The following PSMD3 variants were observed in gnomAD, a reference collection of about 807,000 sequenced individuals.
PSMD3 encodes proteasome 26S subunit, non-ATPase 3.
A neutral mutation model predicts 62.8 loss-of-function variants in PSMD3; 5 were observed. The observed-to-expected ratio is 0.08, with a 90% CI of 0.04 to 0.17. The LOEUF (loss-of-function observed/expected upper bound fraction) is 0.17. Among genes scored for constraint, PSMD3 ranks in the 10% least tolerant of loss-of-function variants. The pLI is 1.00. For synonymous variants in PSMD3, 265 were observed against 283.9 expected (o/e 0.93, Z 0.67); for missense variants, 524 against 713.6 (o/e 0.73, Z 3.03).
At chr17:39,989,605 T>G in intron 4 of PSMD3, 134 bp from the exon 5 acceptor site, 1 of 852,492 alleles carries the variant, frequency 1.2e-6, no homozygotes, top group Non-Finnish European at 1.8e-6. Context: ...CACTCGATAG[T>G]TAACAGTATT....
chr17:39,995,751 A>G lies in PSMD3; in HGVS notation c.1320+224A>G. Reference sequence around the variant, plus strand: ...GGTGTGTGCACATGTTGAGTTTATGATAGTGCCTGTGAGTGTGAGAATATA... The same window carrying G: ...GGTGTGTGCACATGTTGAGTTTATGGTAGTGCCTGTGAGTGTGAGAATATA... On this transcript the variant is annotated intron_variant, in intron 9 of 11. Transcript: ENST00000264639. The surrounding 1 kb of genome is among the most constrained non-coding windows in gnomAD (Gnocchi z 4.1). The G allele has an allele frequency of 1.7e-6, 1 of 574,900 alleles. No homozygotes were observed. Among genetic ancestry groups the G allele is most frequent in the Non-Finnish European group, 3.1e-6 (1 of 319,932 alleles). 35.6% of individuals were successfully genotyped at this position (574,900 alleles called of 1,614,324 possible). A position where few individuals can be genotyped will look rare whatever the true frequency, so the allele number is the denominator to read the frequency against.
In PSMD3 at chr17:39,981,003, C is replaced by G; in HGVS notation, c.33C>G (p.Gly11=). MKQEGSARRR[G]ADKAKPPPGG... ...AGGAGGGCTCGGCGCGGCGCCGCGG[C>G]GCGGACAAGGCGAAACCGCCGCCCG... The change falls in exon 1 of 12, where the codon GGC becomes GGG. Residue 11 remains glycine (G), a synonymous_variant. Coordinates refer to ENST00000264639, the MANE Select transcript of PSMD3 (RefSeq NM_002809.4). 9 of 1,547,988 alleles carry G rather than the reference C, an allele frequency of 5.8e-6. No individual in the cohort carries two copies. The highest frequency in any genetic ancestry group is 7.8e-6 in the Non-Finnish European group (9 of 1,146,894).
rs1418966190 is a variant in PSMD3, at chr17:39,980,996, G to T, written c.26G>T (p.Arg9Leu). 2 of 1,547,144 alleles carry T rather than the reference G, an allele frequency of 1.3e-6. No homozygotes were observed. Among genetic ancestry groups the T allele is most frequent in the Non-Finnish European group, 1.7e-6 (2 of 1,146,962 alleles). Residue 9 changes from arginine to leucine, a missense_variant, in exon 1 of 12, where the codon CGC becomes CTC. Physicochemically the swap from Arg to Leu is moderately radical, Grantham distance 102 (BLOSUM62 -2). Coordinates refer to ENST00000264639, the MANE Select transcript of PSMD3 (RefSeq NM_002809.4). ...ATGAAGCAGGAGGGCTCGGCGCGGCGCCGCGGCGCGGACAAGGCGAAACCG... is the reference window on the plus strand; with the variant it reads ...ATGAAGCAGGAGGGCTCGGCGCGGCTCCGCGGCGCGGACAAGGCGAAACCG... Reference protein sequence around the residue: MKQEGSARRRGADKAKPPP... With the variant: MKQEGSARLRGADKAKPPP...
chr17:39,981,095 C>G lies in PSMD3; in HGVS notation c.125C>G (p.Ala42Gly). 1 of 1,550,606 alleles carries G rather than the reference C, an allele frequency of 6.4e-7. No homozygotes were observed. The highest frequency in any genetic ancestry group is 8.7e-7 in the Non-Finnish European group (1 of 1,146,650). The part of the protein sequence containing the change: ...PQDVEMKEEA[A>G]TGGGSTGEAD... ...GATGTGGAGATGAAAGAGGAGGCAG[C>G]GACGGGTGGCGGGTCGACGGGGGAG... Residue 42 changes from alanine to glycine, a missense_variant, in exon 1 of 12, where the codon GCG (alanine) becomes GGG (glycine). Physicochemically the swap from Ala to Gly is moderately conservative, Grantham distance 60. Around this residue, in one of 4 missense-constraint regions of PSMD3, gnomAD observed 396 missense variants for 475.8 expected, o/e 0.83. Transcript: ENST00000264639.
At chr17:39,993,087 C>CT (rs1490314236) in intron 6 of PSMD3, 1 of 152,224 alleles carries the variant, frequency 6.6e-6, no homozygotes, top group African/African-American at 2.4e-5. Flanking sequence ...TCTGGAGGCT[C>CT]TAAGTCCAAC....
In PSMD3 at chr17:39,989,842, T is replaced by C. The variant is rs746850055; in HGVS notation, c.790T>C (p.Tyr264His). The C allele has an allele frequency of 6.2e-7, 1 of 1,614,202 alleles. No individual in the cohort carries two copies. Among genetic ancestry groups the C allele is most frequent in the Admixed American group, 1.7e-5 (1 of 60,026 alleles). The change falls in exon 5 of 12, where the codon TAC (tyrosine) becomes CAC (histidine). Residue 264 changes from tyrosine to histidine, a missense_variant. Physicochemically the swap from Tyr to His is moderately conservative, Grantham distance 83. Around this residue, in one of 4 missense-constraint regions of PSMD3, gnomAD observed 396 missense variants for 475.8 expected, o/e 0.83. Coordinates refer to ENST00000264639, the MANE Select transcript of PSMD3 (RefSeq NM_002809.4). ...LLRNYLHYSL[Y>H]DQAEKLVSKS... Reference sequence around the variant, plus strand: ...GCGGAATTACCTACACTACAGCTTGTACGACCAGGCTGAGAAGCTGGTGTC... The same window carrying C: ...GCGGAATTACCTACACTACAGCTTGCACGACCAGGCTGAGAAGCTGGTGTC...
At chr17:39,992,131 A>C (rs1208292791) in intron 6 of PSMD3, among the ~76,000 whole-genome samples, 2 of 152,194 alleles carry the variant, frequency 1.3e-5, no homozygotes, top group Non-Finnish European at 2.9e-5. Context: ...AAAATGTTAG[A>C]TTGCTTACAA....
chr17:39,985,013 C>T (rs1370200959), intron 2 of PSMD3, among the ~76,000 whole-genome samples: 8 of 151,840 alleles, frequency 5.3e-5, no homozygotes, highest in African/African-American at 7.3e-5. Context: ...ACAATCTGCC[C>T]GCCCAGGAGT....
Position 39,996,781 on chromosome 17 carries a change from G to A in PSMD3, c.1476+443G>A, listed in dbSNP as rs1445115119. 4.3e-5 allele frequency: 20 copies of A among 465,374 alleles called. No homozygotes were observed. The highest frequency in any genetic ancestry group is 7.3e-5 in the Non-Finnish European group (17 of 233,586). 28.8% of individuals were successfully genotyped at this position (465,374 alleles called of 1,614,324 possible). A position where few individuals can be genotyped will look rare whatever the true frequency, so the allele number is the denominator to read the frequency against. On this transcript the variant is annotated intron_variant, in intron 10 of 11. Coordinates refer to ENST00000264639, the MANE Select transcript of PSMD3 (RefSeq NM_002809.4). The surrounding 1 kb of genome is among the most constrained non-coding windows in gnomAD (Gnocchi z 5.1). ...GTAAAAAAGATGGCGCTGGTATCTAGCTCCACAAAAGGGTGAGCCCTTATC... is the reference window on the plus strand; with the variant it reads ...GTAAAAAAGATGGCGCTGGTATCTAACTCCACAAAAGGGTGAGCCCTTATC...
rs771277466 is a variant in PSMD3, at chr17:39,997,457, G to C, written c.1528-47G>C. On this transcript the variant is annotated intron_variant, in intron 11 of 11. Transcript: ENST00000264639. ...AGGGGAGTCGGGCGAGTGTCTGGAA[G>C]GGCTGAGCTGCTCTGAAGCTTTGGC... 3.7e-5 allele frequency: 55 copies of C among 1,484,484 alleles called. No homozygotes were observed. In the Middle Eastern group the frequency reaches 6.9e-4, roughly 19 times the overall value. The allele number at this position is 1,484,484 out of a possible 1,614,324, so 92.0% of individuals were successfully genotyped here.
intron 4 of PSMD3, among the ~76,000 whole-genome samples, chr17:39,989,379 G>A (rs1363253441): frequency 6.6e-6 from 1 of 152,156 alleles, no homozygotes; most frequent in Non-Finnish European, 1.5e-5. Context: ...TTCTCAGTGA[G>A]TCCTGCCTTG....
chr17:39,989,453 T>A (rs1980602351), intron 4 of PSMD3, among the ~76,000 whole-genome samples: 1 of 152,220 alleles, frequency 6.6e-6, no homozygotes, highest in South Asian at 2.1e-4. Flanking sequence ...GCAGTTCCCC[T>A]GGCCTCACAG....
intron 6 of PSMD3, chr17:39,994,590 G>A (rs575587193): frequency 1.4e-4 from 39 of 281,866 alleles, no homozygotes; most frequent in Admixed American, 1.8e-4. Flanking sequence ...CACACGTTCC[G>A]TTCTCCAGGC....
intron 11 of PSMD3, 57 bp downstream of exon 11, chr17:39,997,437 A>G: frequency 6.3e-7 from 1 of 1,577,848 alleles, no homozygotes; most frequent in South Asian, 1.1e-5. Context: ...ACAGAAGGGG[A>G]GTCGGGCGAG....
rs1273342751 is a variant in PSMD3 at position 39,996,624 on chromosome 17, C to G, written c.1476+286C>G. 1.7e-6 allele frequency: 1 copy of G among 594,064 alleles called. No individual in the cohort carries two copies. The highest frequency in any genetic ancestry group is 1.8e-5 in the African/African-American group (1 of 54,824). 36.8% of individuals were successfully genotyped at this position (594,064 alleles called of 1,614,324 possible). ...TCTACATTTGGTTCCAAATTTGAGG[C>G]ATTTAACTTCTCAAAGCTCTGTTTC... is the stretch of plus-strand genomic sequence containing the variant. On this transcript the variant is annotated intron_variant, in intron 10 of 11. Coordinates refer to ENST00000264639, the MANE Select transcript of PSMD3 (RefSeq NM_002809.4). The surrounding 1 kb of genome is among the most constrained non-coding windows in gnomAD (Gnocchi z 5.1).
In PSMD3 at chr17:39,994,969, A is replaced by G. The variant is rs1000113588; in HGVS notation, c.997A>G (p.Ile333Val). The G allele has an allele frequency of 3.7e-6, 6 of 1,613,942 alleles. No homozygotes were observed. In the African/African-American group the frequency reaches 5.3e-5, roughly 14 times the overall value. The change falls in exon 7 of 12, where the codon ATC (isoleucine) becomes GTC (valine). Residue 333 changes from isoleucine to valine, a missense_variant. Transcript: ENST00000264639. ...GFKQTVHKLL[I>V]VVELLLGEIP... The stretch of plus-strand genomic sequence containing the variant: ...CTCTGTCCAGGTGCACAAGCTTCTC[A>G]TCGTGGTGGAGCTGTTGCTGGGGGA...
intron 6 of PSMD3, among the ~76,000 whole-genome samples, chr17:39,991,914 A>G (rs751455171): frequency 1.1e-4 from 17 of 152,080 alleles, no homozygotes; most frequent in East Asian, 3.9e-4. Context: ...AGTCCCAGCT[A>G]CTTGGGAGGC....
chr17:39,997,752 C>T lies in PSMD3; in HGVS notation c.*171C>T, dbSNP rs1468847817. 4.0e-6 allele frequency: 3 copies of T among 749,862 alleles called. No individual in the cohort carries two copies. Among genetic ancestry groups the T allele is most frequent in the East Asian group, 2.7e-5 (1 of 37,066 alleles). The allele number at this position is 749,862 out of a possible 1,614,324, so 46.5% of individuals were successfully genotyped here. A position where few individuals can be genotyped will look rare whatever the true frequency, so the allele number is the denominator to read the frequency against. On this transcript the variant is annotated 3_prime_UTR_variant, in exon 12 of 12. Coordinates refer to ENST00000264639, the MANE Select transcript of PSMD3 (RefSeq NM_002809.4). Reference sequence around the variant, plus strand: ...CCCTGACCTCCCCCAGGGCTCCTCCCCAGCCGGTGACTTACTGTACAGCAG... The same window carrying T: ...CCCTGACCTCCCCCAGGGCTCCTCCTCAGCCGGTGACTTACTGTACAGCAG...
At chr17:39,993,223 G>T (rs958291120) in intron 6 of PSMD3, 1 of 152,190 alleles carries the variant, frequency 6.6e-6, no homozygotes, top group Non-Finnish European at 1.5e-5. Flanking sequence ...GTCTTAGAAG[G>T]ACAATAGTCA....
Sources: allele counts gnomAD v4.1 joint callset (sites outside exome capture counted in the v4.1 genomes callset), GRCh38; gene constraint gnomAD v4.1.1; regional missense constraint gnomAD v4.1.1; non-coding constraint Gnocchi (gnomAD v3.1); transcripts MANE v1.5; gene names NCBI Gene and HGNC (gene_info 2026-07-23, HGNC 2026-07-21).